The following GSAP variants were observed in gnomAD, a reference collection of about 807,000 sequenced individuals.
GSAP encodes the protein gamma-secretase-activating protein.
GSAP carries 118 observed loss-of-function variants against 131.7 expected under a neutral mutation model. The ratio of observed to expected loss-of-function variants is 0.90; its 90% confidence interval spans 0.77 to 1.04. The LOEUF is 1.04. GSAP is among the 50% of genes least tolerant of loss of function. The pLI is 0.00. For missense variants in GSAP, 1,019 were observed against 1,013.2 expected (o/e 1.01, Z -0.08); for synonymous variants, 381 against 363.4 (o/e 1.05, Z -0.55).
intron 5 of GSAP, among the ~76,000 whole-genome samples, 176 bp from the exon 6 acceptor site, chr7:77,387,624 C>G (rs535163552): frequency 6.6e-6 from 1 of 152,196 alleles, no homozygotes; most frequent in Non-Finnish European, 1.5e-5. Context: ...AAATCTGTTC[C>G]CAGTTCTACT....
At chr7:77,408,071 TAGAA>T (rs1347550474) in intron 1 of GSAP, among the ~76,000 whole-genome samples, 1 of 152,208 alleles carries the variant, frequency 6.6e-6, no homozygotes, top group African/African-American at 2.4e-5. Flanking sequence ...AAGTGACTGT[TAGAA>T]AGGAGCATGA....
At chr7:77,315,661 CATA>C (rs1387646597) in intron 26 of GSAP, 4 of 152,142 alleles carry the variant, frequency 2.6e-5, no homozygotes, top group African/African-American at 9.7e-5. Context: ...GGCTTTCAAC[CATA>C]ATGTCACTGT....
Position 77,338,922 on chromosome 7 carries a change from C to T in GSAP, c.1546-8555G>A, listed in dbSNP as rs139413436. Among the ~76,000 whole-genome samples, 1,063 of 152,286 alleles carry T rather than the reference C, an allele frequency of 7.0e-3. 16 individuals carry two copies. Among genetic ancestry groups the T allele is most frequent in the African/African-American group, 0.024 (981 of 41,540 alleles). ...AAGGTACCTATTCAGTTCCCACACA[C>T]ACACCCCCGCCCCTCTCCTCCCTTA... is the stretch of plus-strand genomic sequence containing the variant. On this transcript the variant is annotated intron_variant, in intron 19 of 30. Coordinates refer to ENST00000257626, the MANE Select transcript of GSAP (RefSeq NM_017439.4).
At chr7:77,355,123 TA>T (rs1370164104) in intron 16 of GSAP, 89 bp downstream of exon 16, 8 of 828,140 alleles carry the variant, frequency 9.7e-6, no homozygotes, top group Non-Finnish European at 1.6e-5. Context: ...TGTTACTAAA[TA>T]AAAATAACTC....
chr7:77,334,834 C>T (rs954001085), intron 19 of GSAP, among the ~76,000 whole-genome samples: 3 of 152,152 alleles, frequency 2.0e-5, no homozygotes, highest in Admixed American at 6.5e-5. Context: ...CCTGTAATCC[C>T]AGCACTTTGG....
At chr7:77,354,677 C>CT (rs58464934) in intron 16 of GSAP, among the ~76,000 whole-genome samples, 5,899 of 140,758 alleles carry the variant, frequency 0.042, 388 homozygotes, top group African/African-American at 0.13. Flanking sequence ...CGTCTAATGT[C>CT]TTTTTTTTTT....
intron 1 of GSAP, among the ~76,000 whole-genome samples, chr7:77,411,450 GATCT>G (rs1456131328): frequency 1.3e-5 from 2 of 152,196 alleles, no homozygotes; most frequent in Non-Finnish European, 2.9e-5. Context: ...CAACATATAA[GATCT>G]ATCTATTATA....
At chr7:77,322,067 T>C (rs553901452) in intron 24 of GSAP, among the ~76,000 whole-genome samples, 1 of 152,266 alleles carries the variant, frequency 6.6e-6, no homozygotes, top group Admixed American at 6.5e-5. Context: ...GCAGTCCCTA[T>C]GGAGTTGTTA....
chr7:77,328,672 C>A, intron 21 of GSAP, 35 bp from the exon 22 acceptor site: 2 of 1,323,754 alleles, frequency 1.5e-6, no homozygotes, highest in Non-Finnish European at 2.2e-6. Context: ...TCACAGACAG[C>A]ATTGCTTTTA....
intron 1 of GSAP, among the ~76,000 whole-genome samples, chr7:77,407,317 TTC>T (rs372634710): frequency 5.0e-4 from 76 of 152,350 alleles, no homozygotes; most frequent in Middle Eastern, 3.4e-3. Context: ...TTGCATAACT[TTC>T]TGTTATTAAT....
Position 77,387,347 on chromosome 7 carries a change from C to A in GSAP, c.456+13G>T. 1 of 1,323,758 alleles carries A rather than the reference C, an allele frequency of 7.6e-7. No homozygotes were observed. Among genetic ancestry groups the A allele is most frequent in the Non-Finnish European group, 1.1e-6 (1 of 915,358 alleles). The allele number at this position is 1,323,758 out of a possible 1,614,324, so 82.0% of individuals were successfully genotyped here. ...GATTAATGAGATAAGTGATAAATGG[C>A]ATGCTTACTTACCTGAACCCAAATA... On this transcript the variant is annotated intron_variant, in intron 6 of 30. Transcript: ENST00000257626.
At chr7:77,351,431 T>C (rs998941737) in intron 18 of GSAP, 1 of 977,162 alleles carries the variant, frequency 1.0e-6, no homozygotes, top group East Asian at 1.1e-4. Flanking sequence ...GGTTGTAGCA[T>C]TAAGAACATT....
At chr7:77,338,202 T>C (rs1373834875) in intron 19 of GSAP, among the ~76,000 whole-genome samples, 1 of 152,096 alleles carries the variant, frequency 6.6e-6, no homozygotes, top group Non-Finnish European at 1.5e-5. Flanking sequence ...AAAATAACCA[T>C]AAAATCAAGG....
chr7:77,312,248 T>C, intron 28 of GSAP, 46 bp from the exon 29 acceptor site: 1 of 880,476 alleles, frequency 1.1e-6, no homozygotes, highest in Non-Finnish European at 1.8e-6. Flanking sequence ...ACACACTATA[T>C]TAAGTAAACA....
rs375756188 is a variant in GSAP at position 77,320,713 on chromosome 7, G to A, written c.2089+12C>T. ...ATTTATTATACCAAAGGACAAAAGAGCCAACACTTACCAGGAGGCAGAGGT... is the reference window on the plus strand; with the variant it reads ...ATTTATTATACCAAAGGACAAAAGAACCAACACTTACCAGGAGGCAGAGGT... On this transcript the variant is annotated intron_variant, in intron 26 of 30. Transcript: ENST00000257626. 5.8e-5 allele frequency: 85 copies of A among 1,475,654 alleles called. No homozygotes were observed. In the African/African-American group the frequency reaches 9.9e-4, roughly 17 times the overall value. 91.4% of individuals were successfully genotyped at this position (1,475,654 alleles called of 1,614,324 possible).
chr7:77,341,356 A>G (rs999699519), intron 19 of GSAP, among the ~76,000 whole-genome samples: 7 of 152,058 alleles, frequency 4.6e-5, no homozygotes, highest in African/African-American at 1.7e-4. Flanking sequence ...TCACCAGGCC[A>G]AGCCAGGTCC....
intron 5 of GSAP, among the ~76,000 whole-genome samples, chr7:77,396,146 A>C (rs1800342120): frequency 6.6e-6 from 1 of 152,200 alleles, no homozygotes; most frequent in South Asian, 2.1e-4. Flanking sequence ...CCCCTTCTTG[A>C]AAGTCCCCCA....
At chr7:77,396,177 A>G (rs1353310330) in intron 5 of GSAP, among the ~76,000 whole-genome samples, 4 of 151,780 alleles carry the variant, frequency 2.6e-5, no homozygotes, top group African/African-American at 7.3e-5. Flanking sequence ...CTACCCTACT[A>G]CTAGTCCCTA....
chr7:77,383,143 T>C (rs985256245), intron 6 of GSAP, among the ~76,000 whole-genome samples: 6 of 152,298 alleles, frequency 3.9e-5, no homozygotes, highest in South Asian at 2.1e-4. Flanking sequence ...GCCAAGATCA[T>C]GCCACTATAC....
Sources: allele counts gnomAD v4.1 joint callset (sites outside exome capture counted in the v4.1 genomes callset), GRCh38; gene constraint gnomAD v4.1.1; transcripts MANE v1.5; gene names NCBI Gene and HGNC (gene_info 2026-07-23, HGNC 2026-07-21).